GALNT17: variants seen among roughly 807,000 people sequenced by gnomAD.
GALNT17 encodes polypeptide N-acetylgalactosaminyltransferase 17.
A neutral mutation model predicts 63.7 loss-of-function variants in GALNT17; 29 were observed. That is an observed-to-expected ratio of 0.46 (90% CI 0.34 to 0.62). The LOEUF is 0.62. GALNT17 is among the 20% of genes least tolerant of loss of function. The pLI is 0.01. For missense variants in GALNT17, 603 were observed against 799.6 expected, an observed-to-expected ratio of 0.75 and a Z score of 2.97; for synonymous variants, 305 against 318.3, an observed-to-expected ratio of 0.96 and a Z score of 0.45.
intron 6 of GALNT17, among the ~76,000 whole-genome samples, chr7:71,575,800 C>G (rs185703908): frequency 1.3e-5 from 2 of 151,978 alleles, no homozygotes; most frequent in African/African-American, 4.8e-5. Context: ...GTCAGAAGAA[C>G]ACAAGAATAG....
intron 6 of GALNT17, among the ~76,000 whole-genome samples, chr7:71,577,119 C>A (rs1046744645): frequency 9.2e-5 from 14 of 152,144 alleles, no homozygotes; most frequent in Non-Finnish European, 1.5e-4. Flanking sequence ...GAACAGAAAA[C>A]CGAATACCAC....
At chr7:71,641,148 A>T (rs1790597434) in intron 6 of GALNT17, among the ~76,000 whole-genome samples, 1 of 152,238 alleles carries the variant, frequency 6.6e-6, no homozygotes, top group Non-Finnish European at 1.5e-5. Flanking sequence ...TCTGTATCCC[A>T]ATAACCATGA....
intron 1 of GALNT17, among the ~76,000 whole-genome samples, chr7:71,214,425 A>G (rs1364030011): frequency 6.6e-6 from 1 of 152,146 alleles, no homozygotes; most frequent in African/African-American, 2.4e-5. Flanking sequence ...TCCTTGCATT[A>G]AGAAGGCATT....
chr7:71,310,923 T>G (rs1359339316), intron 1 of GALNT17, among the ~76,000 whole-genome samples: 1 of 152,194 alleles, frequency 6.6e-6, no homozygotes, highest in Non-Finnish European at 1.5e-5. Context: ...ACCACGGTAG[T>G]TCTCTATCAC....
At chr7:71,295,591 ACCTTCCTT>A (rs891953572) in intron 1 of GALNT17, among the ~76,000 whole-genome samples, 1 of 118,880 alleles carries the variant, frequency 8.4e-6, no homozygotes, top group Non-Finnish European at 1.7e-5. Context: ...CTTCCTTCCT[ACCTTCCTT>A]CCTTCCTTCC....
intron 5 of GALNT17, among the ~76,000 whole-genome samples, chr7:71,511,566 A>C (rs1006503468): frequency 6.6e-6 from 1 of 152,170 alleles, no homozygotes; most frequent in African/African-American, 2.4e-5. Context: ...GCCCTTGTCC[A>C]GCCATTAAAC....
chr7:71,221,974 C>A, intron 1 of GALNT17, among the ~76,000 whole-genome samples: 1 of 131,832 alleles, frequency 7.6e-6, no homozygotes, highest in Non-Finnish European at 1.6e-5. Context: ...GTGGCATGAT[C>A]TCAGCTCACT....
intron 5 of GALNT17, among the ~76,000 whole-genome samples, chr7:71,538,177 C>G (rs1251233757): frequency 6.6e-6 from 1 of 152,188 alleles, no homozygotes; most frequent in Non-Finnish European, 1.5e-5. Context: ...TAATTTTGTA[C>G]TTAGAACACT....
At chr7:71,317,720 G>C (rs1269860267) in intron 1 of GALNT17, among the ~76,000 whole-genome samples, 1 of 152,132 alleles carries the variant, frequency 6.6e-6, no homozygotes, top group Non-Finnish European at 1.5e-5. Flanking sequence ...TATTTATTCA[G>C]GGAGTTATTT....
chr7:71,541,014 A>C (rs1315128104), intron 5 of GALNT17, among the ~76,000 whole-genome samples: 1 of 152,070 alleles, frequency 6.6e-6, no homozygotes, highest in Non-Finnish European at 1.5e-5. Context: ...CGAGGTGGGC[A>C]GATCACTTGA....
intron 4 of GALNT17, among the ~76,000 whole-genome samples, chr7:71,418,289 C>T (rs569266275): frequency 1.2e-4 from 18 of 152,296 alleles, no homozygotes; most frequent in East Asian, 7.7e-4. Context: ...CACTTCTACC[C>T]GGGTGGCATA....
At chr7:71,351,764 T>A (rs1792192847) in intron 2 of GALNT17, among the ~76,000 whole-genome samples, 1 of 152,092 alleles carries the variant, frequency 6.6e-6, no homozygotes, top group South Asian at 2.1e-4. Context: ...AAATTTCTGT[T>A]GTTGTAGTGC....
At chr7:71,267,255 G>A (rs371417119) in intron 1 of GALNT17, among the ~76,000 whole-genome samples, 3 of 152,214 alleles carry the variant, frequency 2.0e-5, no homozygotes, top group East Asian at 1.9e-4. Context: ...TGTCCTTTGC[G>A]AGCTGCGCAA....
chr7:71,366,128 T>C (rs960300338), intron 2 of GALNT17, among the ~76,000 whole-genome samples: 11 of 151,798 alleles, frequency 7.2e-5, no homozygotes, highest in Non-Finnish European at 1.6e-4. Flanking sequence ...AGATCTCAGG[T>C]GGTCACGTGA....
chr7:71,164,544 A>C (rs552456735), intron 1 of GALNT17, among the ~76,000 whole-genome samples: 1 of 152,210 alleles, frequency 6.6e-6, no homozygotes, highest in Non-Finnish European at 1.5e-5. Context: ...TCCCCTTTCA[A>C]AATTAAGAGA....
chr7:71,583,772 C>A (rs1789674300), intron 6 of GALNT17, among the ~76,000 whole-genome samples: 1 of 151,382 alleles, frequency 6.6e-6, no homozygotes, highest in Non-Finnish European at 1.5e-5. Flanking sequence ...ACACACCAAA[C>A]AGCCCTTCCT....
At chr7:71,644,690 G>T (rs1469322123) in intron 6 of GALNT17, among the ~76,000 whole-genome samples, 3 of 152,088 alleles carry the variant, frequency 2.0e-5, no homozygotes, top group Non-Finnish European at 2.9e-5. Context: ...GTTCAAGGCT[G>T]CAGTGAGCTA....
chr7:71,318,599 T>G (rs1791545559), intron 1 of GALNT17, among the ~76,000 whole-genome samples: 1 of 151,866 alleles, frequency 6.6e-6, no homozygotes, highest in Non-Finnish European at 1.5e-5. Context: ...TTTTTTTTCT[T>G]TTGTATTTTT....
At chr7:71,699,324 A>C (rs989972429) in intron 9 of GALNT17, among the ~76,000 whole-genome samples, 6 of 151,980 alleles carry the variant, frequency 3.9e-5, no homozygotes, top group African/African-American at 1.5e-4. Context: ...CTACAAGTAC[A>C]AAAATTAGCC....
Sources: allele counts gnomAD v4.1 joint callset (sites outside exome capture counted in the v4.1 genomes callset), GRCh38; gene constraint gnomAD v4.1.1; transcripts MANE v1.5; gene names NCBI Gene and HGNC (gene_info 2026-07-23, HGNC 2026-07-21).